The following SPAG1 variants were observed in gnomAD, a reference collection of about 807,000 sequenced individuals.
SPAG1 encodes the protein sperm associated antigen 1.
Under a neutral mutation model 100.5 loss-of-function variants are expected in SPAG1, and 69 were observed. That is an observed-to-expected ratio of 0.69 (90% CI 0.57 to 0.84). The LOEUF is 0.84. Among genes scored for constraint, SPAG1 ranks in the 40% least tolerant of loss-of-function variants. The pLI is 0.00. For synonymous variants in SPAG1, 336 were observed against 411.6 expected, an observed-to-expected ratio of 0.82 and a Z score of 2.22; for missense variants, 955 against 1,133.1, an observed-to-expected ratio of 0.84 and a Z score of 2.26.
At chr8:100,216,555 G>A (rs948545630) in intron 12 of SPAG1, among the ~76,000 whole-genome samples, 3 of 152,198 alleles carry the variant, frequency 2.0e-5, no homozygotes, top group Non-Finnish European at 4.4e-5. Context: ...AGAGAGGGAA[G>A]TGGGCGTCGG....
intron 13 of SPAG1, among the ~76,000 whole-genome samples, chr8:100,221,706 C>A (rs1818289436): frequency 6.6e-6 from 1 of 152,178 alleles, no homozygotes; most frequent in South Asian, 2.1e-4. Flanking sequence ...AGAGGCCAGG[C>A]CACCTGTGTC....
chr8:100,185,644 G>C lies in SPAG1; in HGVS notation c.701+911G>C, dbSNP rs1325410013. Among the ~76,000 whole-genome samples the C allele has an allele frequency of 2.0e-5, 3 of 152,174 alleles. No individual in the cohort carries two copies. In the South Asian group the frequency reaches 6.2e-4, roughly 31 times the overall value. On this transcript the variant is annotated intron_variant, in intron 7 of 18. Transcript: ENST00000388798. ...AGTTCTTAACAGCCTATGAAAAGTA[G>C]ACTAAGTTTTTAAAATGTTGTTACA... is the stretch of plus-strand genomic sequence containing the variant.
At chr8:100,221,005 G>A (rs765246781) in intron 13 of SPAG1, among the ~76,000 whole-genome samples, 10 of 151,980 alleles carry the variant, frequency 6.6e-5, no homozygotes, top group African/African-American at 9.7e-5. Context: ...CCCAGGCTGC[G>A]GAGATTGCGG....
intron 14 of SPAG1, among the ~76,000 whole-genome samples, chr8:100,226,169 G>A (rs781095741): frequency 2.6e-5 from 4 of 151,916 alleles, no homozygotes; most frequent in Non-Finnish European, 4.4e-5. Context: ...GCTAATTTTT[G>A]TATTTTTAGT....
intron 13 of SPAG1, among the ~76,000 whole-genome samples, chr8:100,222,934 T>TC (rs1247206111): frequency 6.6e-6 from 1 of 152,078 alleles, no homozygotes; most frequent in African/African-American, 2.4e-5. Context: ...CATTTTCCTT[T>TC]CCCCCCAGCC....
chr8:100,162,949 A>G (rs1815380709), intron 2 of SPAG1, among the ~76,000 whole-genome samples: 1 of 151,740 alleles, frequency 6.6e-6, no homozygotes, highest in Non-Finnish European at 1.5e-5. Context: ...CAGAGTCTCA[A>G]AAAATAAAAA....
At chr8:100,220,978 CAGG>C (rs1434975376) in intron 13 of SPAG1, among the ~76,000 whole-genome samples, 16 of 151,874 alleles carry the variant, frequency 1.1e-4, no homozygotes. Flanking sequence ...GAGGCTGAGG[CAGG>C]AGAATTGTTT....
chr8:100,172,636 G>GTGTA (rs1815918530), intron 3 of SPAG1, among the ~76,000 whole-genome samples: 2 of 59,366 alleles, frequency 3.4e-5, no homozygotes, highest in African/African-American at 1.1e-4. Flanking sequence ...AGAAATATAT[G>GTGTA]TGTGTGTGTG....
chr8:100,209,566 G>A (rs1163095643), intron 10 of SPAG1, among the ~76,000 whole-genome samples: 8 of 151,756 alleles, frequency 5.3e-5, no homozygotes, highest in African/African-American at 1.7e-4. Context: ...AGTTTTGATA[G>A]GATTGTGTTG....
intron 13 of SPAG1, among the ~76,000 whole-genome samples, chr8:100,224,210 T>C (rs1023775737): frequency 2.6e-5 from 4 of 152,218 alleles, no homozygotes; most frequent in Non-Finnish European, 4.4e-5. Context: ...AAAGCCCTTG[T>C]AGTAGAATCT....
chr8:100,237,744 TTGTCTGCA>T (rs1176956934), intron 16 of SPAG1, among the ~76,000 whole-genome samples: 4 of 152,180 alleles, frequency 2.6e-5, no homozygotes, highest in Non-Finnish European at 5.9e-5. Context: ...CTCTTCATGC[TTGTCTGCA>T]GTGCTAACAC....
At chr8:100,234,464 T>G (rs1046315174) in intron 16 of SPAG1, among the ~76,000 whole-genome samples, 1 of 152,238 alleles carries the variant, frequency 6.6e-6, no homozygotes, top group Admixed American at 6.5e-5. Flanking sequence ...ATCTGATTTC[T>G]ATCACTATAG....
chr8:100,161,988 G>A (rs188832800), intron 1 of SPAG1, among the ~76,000 whole-genome samples: 82 of 152,238 alleles, frequency 5.4e-4, no homozygotes, highest in Non-Finnish European at 1.5e-4. Flanking sequence ...TCTGCATCTC[G>A]TTATTGGGCC....
intron 1 of SPAG1, among the ~76,000 whole-genome samples, chr8:100,161,798 G>C (rs1438789483): frequency 2.0e-5 from 3 of 152,190 alleles, no homozygotes; most frequent in Non-Finnish European, 4.4e-5. Flanking sequence ...TTTAGATATA[G>C]ATTAAAAGAA....
At chr8:100,160,626 CAAAAA>C (rs11422854) in intron 1 of SPAG1, among the ~76,000 whole-genome samples, 1 of 98,944 alleles carries the variant, frequency 1.0e-5, no homozygotes, top group Non-Finnish European at 2.2e-5. Context: ...GACTCCAACT[CAAAAA>C]AAAAAAAAAA....
At position 100,240,391 on chromosome 8, in the gene SPAG1, T is replaced by C. The variant is rs765413000; in HGVS notation, c.2281-12T>C. 3 of 1,569,816 alleles carry C rather than the reference T, an allele frequency of 1.9e-6. No individual in the cohort carries two copies. The highest frequency in any genetic ancestry group is 2.6e-6 in the Non-Finnish European group (3 of 1,164,392). On this transcript the variant is annotated splice_polypyrimidine_tract_variant and intron_variant, in intron 17 of 18. Transcript: ENST00000388798. ...TTCAGTGTCACAATGCATTTTTCTT[T>C]TCTTCATGAAGGTGAATGAAGGCAA... is the stretch of plus-strand genomic sequence containing the variant.
intron 3 of SPAG1, among the ~76,000 whole-genome samples, chr8:100,174,271 T>C (rs1816007006): frequency 1.3e-5 from 2 of 152,184 alleles, no homozygotes; most frequent in Non-Finnish European, 2.9e-5. Context: ...TAAAGTAAGC[T>C]AGAGAAAAGA....
chr8:100,229,003 A>G (rs1251021619), intron 14 of SPAG1, among the ~76,000 whole-genome samples: 1 of 152,204 alleles, frequency 6.6e-6, no homozygotes, highest in Non-Finnish European at 1.5e-5. Context: ...TCAACTCATT[A>G]AGACTTAGGC....
chr8:100,206,900 C>T (rs1173256865), intron 10 of SPAG1, among the ~76,000 whole-genome samples: 1 of 152,222 alleles, frequency 6.6e-6, no homozygotes, highest in South Asian at 2.1e-4. Flanking sequence ...GCAAGCTGCT[C>T]TGCCACTTGG....
Sources: allele counts gnomAD v4.1 joint callset (sites outside exome capture counted in the v4.1 genomes callset), GRCh38; gene constraint gnomAD v4.1.1; transcripts MANE v1.5; gene names NCBI Gene and HGNC (gene_info 2026-07-23, HGNC 2026-07-21).